Variants in SAP18 observed in about 807,000 individuals in gnomAD.
SAP18 encodes the protein histone deacetylase complex subunit SAP18.
In SAP18, 4 loss-of-function variants were observed where a neutral mutation model predicts 18.6. The ratio of observed to expected loss-of-function variants is 0.21; its 90% CI spans 0.11 to 0.49. The LOEUF (loss-of-function observed/expected upper bound fraction) is 0.49, where lower values mean the gene tolerates loss of function less well. SAP18 is among the 20% of genes least tolerant of loss of function. The probability of loss-of-function intolerance (pLI) is 0.98; values close to 1 mark genes in which losing one functional copy is unlikely to be tolerated. For missense variants in SAP18, 170 were observed against 226.4 expected, an observed-to-expected ratio of 0.75 and a Z score of 1.60; for synonymous variants, 112 against 82.8, an observed-to-expected ratio of 1.35 and a Z score of -1.92.
exon 4 of SAP18, chr13:21,147,382 T>TA (rs1177831148): frequency 1.3e-6 from 2 of 1,555,306 alleles, no homozygotes; most frequent in African/African-American, 2.7e-5. Flanking sequence ...TTCCGTCAGT[T>TA]ATGTAAAATA....
At chr13:21,144,164 T>G (rs1213128341) in intron 2 of SAP18, among the ~76,000 whole-genome samples, 1 of 152,080 alleles carries the variant, frequency 6.6e-6, no homozygotes, top group Non-Finnish European at 1.5e-5. Flanking sequence ...CCCAGCACTT[T>G]GGGAGGCCGA....
chr13:21,147,962 GGAAA>G (rs1356664855), exon 4 of SAP18: 1 of 152,232 alleles, frequency 6.6e-6, no homozygotes, highest in Admixed American at 6.5e-5. Flanking sequence ...CCAGTTCAGA[GGAAA>G]CAAGGGTTTG....
chr13:21,144,736 GACT>G (rs1414500241), intron 2 of SAP18, among the ~76,000 whole-genome samples: 1 of 152,122 alleles, frequency 6.6e-6, no homozygotes, highest in Admixed American at 6.6e-5. Flanking sequence ...TCAAGCTTCT[GACT>G]AGTGATGAAA....
chr13:21,146,713 A>G, intron 2 of SAP18, 92 bp from the exon 3 acceptor site: 2 of 987,550 alleles, frequency 2.0e-6, no homozygotes, highest in Non-Finnish European at 2.9e-6. Flanking sequence ...ATCACAACTC[A>G]GATATATGTA....
intron 2 of SAP18, among the ~76,000 whole-genome samples, chr13:21,144,680 C>T (rs902338244): frequency 2.0e-5 from 3 of 152,120 alleles, no homozygotes; most frequent in African/African-American, 4.8e-5. Flanking sequence ...TATCTGGGGA[C>T]TGTAGCTTCG....
chr13:21,147,083 G>C (rs1355298511), intron 3 of SAP18, 103 bp from the exon 4 acceptor site: 15 of 1,438,068 alleles, frequency 1.0e-5, no homozygotes, highest in Non-Finnish European at 1.4e-5. Context: ...TTTTGGAAGT[G>C]TGTTATAAAA....
At chr13:21,141,031 G>A (rs764791307) in intron 2 of SAP18, 36 bp downstream of exon 2, 19 of 1,353,444 alleles carry the variant, frequency 1.4e-5, no homozygotes, top group Non-Finnish European at 2.0e-5. Flanking sequence ...GACCCGGGCC[G>A]GGAACCTGGA....
At chr13:21,143,810 G>A (rs1206293886) in intron 2 of SAP18, among the ~76,000 whole-genome samples, 1 of 152,092 alleles carries the variant, frequency 6.6e-6, no homozygotes, top group Non-Finnish European at 1.5e-5. Context: ...AACAAAGAAG[G>A]AACAACTTTA....
chr13:21,147,554 T>G (rs1869692136), exon 4 of SAP18: 4 of 539,588 alleles, frequency 7.4e-6, no homozygotes, highest in Non-Finnish European at 1.3e-5. Flanking sequence ...AGAAAAGTGC[T>G]CTTAGCATTC....
At position 21,144,042 on chromosome 13, in the gene SAP18, A is replaced by G. The variant is rs114906066; in HGVS notation, c.240-2763A>G. Among the ~76,000 whole-genome samples the G allele has an allele frequency of 5.6e-3, 853 of 152,330 alleles. 11 individuals are homozygous for G. Among genetic ancestry groups the G allele is most frequent in the African/African-American group, 0.02 (817 of 41,576 alleles). On this transcript the variant is annotated intron_variant, in intron 2 of 3. Transcript: ENST00000621421. ...GAGTGGAAGTCCAGAGGAGCCCAGT[A>G]GAGGCAGGCTGTGTTCACCAAAGTC...
At chr13:21,141,066 T>C (rs1869449518) in intron 2 of SAP18, 71 bp downstream of exon 2, 1 of 950,854 alleles carries the variant, frequency 1.1e-6, no homozygotes, top group Admixed American at 1.7e-5. Flanking sequence ...CCTTTGCCAG[T>C]GTAGAGTTAT....
intron 2 of SAP18, among the ~76,000 whole-genome samples, chr13:21,144,795 T>G (rs1226726512): frequency 6.6e-6 from 1 of 152,148 alleles, no homozygotes; most frequent in Non-Finnish European, 1.5e-5. Flanking sequence ...AGACAGTCCT[T>G]AGAAGGTGGG....
intron 2 of SAP18, among the ~76,000 whole-genome samples, chr13:21,142,226 G>A (rs1346790288): frequency 6.7e-6 from 1 of 149,974 alleles, no homozygotes; most frequent in Non-Finnish European, 1.5e-5. Context: ...AGTGGAAGTT[G>A]CAGTGAGCTG....
In SAP18 at chr13:21,140,585, G is replaced by T; in HGVS notation, c.33G>T (p.Glu11Asp). The T allele has an allele frequency of 6.2e-7, 1 of 1,607,832 alleles. No homozygotes were observed. Among genetic ancestry groups the T allele is most frequent in the Non-Finnish European group, 8.5e-7 (1 of 1,177,138 alleles). The change falls in exon 1 of 4, where the codon GAG (glutamate) becomes GAT (aspartate). Residue 11 changes from glutamate (E) to aspartate (D), a missense_variant. By Grantham distance (45) the Glu-to-Asp change is conservative. Around this residue, in one of 2 missense-constraint regions of SAP18, gnomAD observed 60 missense variants for 26.2 expected, o/e 2.29. Coordinates refer to ENST00000621421, the Ensembl canonical transcript of SAP18. ...CTGCAGGGGTCGGAGGTCAGGGCGA[G>T]CGTCTCGCAGGCCGTAGGAGGAAGA...
At chr13:21,144,405 CAAAAAAAAAAAAAA>C (rs36115551) in intron 2 of SAP18, among the ~76,000 whole-genome samples, 13 of 64,636 alleles carry the variant, frequency 2.0e-4, no homozygotes, top group African/African-American at 7.8e-4. Context: ...GACTCCATCT[CAAAAAAAAAAAAAA>C]AAAAAAAAAA....
At chr13:21,141,572 C>T (rs1869464047) in intron 2 of SAP18, 1 of 158,578 alleles carries the variant, frequency 6.3e-6, no homozygotes, top group Admixed American at 6.0e-5. Flanking sequence ...CTACTGTGGG[C>T]TTGTCTTTAG....
At chr13:21,141,025 CG>C in intron 2 of SAP18, 30 bp downstream of exon 2, 1 of 1,422,176 alleles carries the variant, frequency 7.0e-7, no homozygotes, top group Non-Finnish European at 9.9e-7. Flanking sequence ...CTCAGGGACC[CG>C]GGCCGGGAAC....
At chr13:21,145,692 T>G (rs1869625937) in intron 2 of SAP18, among the ~76,000 whole-genome samples, 1 of 152,162 alleles carries the variant, frequency 6.6e-6, no homozygotes, top group South Asian at 2.1e-4. Flanking sequence ...TTTGGATTTT[T>G]AGTAGAAACG....
At chr13:21,144,300 G>A (rs1317957193) in intron 2 of SAP18, among the ~76,000 whole-genome samples, 2 of 150,920 alleles carry the variant, frequency 1.3e-5, no homozygotes, top group Non-Finnish European at 2.9e-5. Flanking sequence ...AACTACTTGG[G>A]AGGCTGAGGC....
Sources: gnomAD v4.1 joint callset for allele counts (sites outside exome capture counted in the v4.1 genomes callset) on GRCh38, gnomAD v4.1.1 for gene constraint, gnomAD v4.1.1 regional missense constraint, MANE v1.5 for transcripts, NCBI Gene and HGNC (gene_info 2026-07-23, HGNC 2026-07-21) for gene names.